Variants in C12orf42 observed in about 807,000 individuals in gnomAD.
The protein encoded by C12orf42 is chromosome 12 open reading frame 42.
C12orf42 carries 25 observed loss-of-function variants against 21.6 expected under a neutral mutation model. The observed-to-expected ratio is 1.16, with a 90% CI of 0.84 to 1.62. C12orf42 has a LOEUF of 1.62. C12orf42 is among the 40% of genes most tolerant of loss of function. C12orf42 has a pLI of 0.00. For missense variants in C12orf42, 483 were observed against 459.3 expected (o/e 1.05, Z -0.47); for synonymous variants, 174 against 175.0 (o/e 0.99, Z 0.05).
At chr12:103,237,175 A>C (rs1057333704), downstream of C12orf42, among the ~76,000 whole-genome samples, 2 of 152,210 alleles carry the variant, frequency 1.3e-5, no homozygotes, top group African/African-American at 4.8e-5. Context: ...GAGGTATAAC[A>C]CAACTGTAGA....
chr12:103,528,517 G>A, the C12orf42 span, among the ~76,000 whole-genome samples: 1 of 152,136 alleles, frequency 6.6e-6, no homozygotes, highest in South Asian at 2.1e-4. Flanking sequence ...TCAGTGTGTG[G>A]TGAGGGAGTT....
the C12orf42 span, chr12:103,505,645 C>G: frequency 4.0e-6 from 1 of 250,216 alleles, no homozygotes; most frequent in East Asian, 1.7e-4. Flanking sequence ...TTAGCACTGC[C>G]CAGGCCCCTG....
At chr12:103,191,016 G>A in the C12orf42 span, among the ~76,000 whole-genome samples, 1 of 152,144 alleles carries the variant, frequency 6.6e-6, no homozygotes, top group African/African-American at 2.4e-5. Context: ...CAGGAGAAAA[G>A]TGAATTTTTA....
intron 4 of C12orf42, among the ~76,000 whole-genome samples, chr12:103,353,993 C>T (rs935205011): frequency 2.6e-5 from 4 of 152,130 alleles, no homozygotes; most frequent in Admixed American, 6.6e-5. Context: ...CAGGCTTCAC[C>T]GCTTTCCGTT....
chr12:103,532,227 AT>A, the C12orf42 span, among the ~76,000 whole-genome samples: 7 of 152,336 alleles, frequency 4.6e-5, no homozygotes, highest in East Asian at 1.3e-3. Flanking sequence ...AAGCTCCATA[AT>A]TTTTCACACC....
upstream of C12orf42, among the ~76,000 whole-genome samples, chr12:103,499,823 T>A (rs7138836): frequency 0.22 from 33,004 of 152,134 alleles, 5,409 homozygotes; most frequent in East Asian, 0.46. Flanking sequence ...ATCTTTGAAC[T>A]TTATCAGACA....
chr12:103,146,210 G>T, the C12orf42 span, among the ~76,000 whole-genome samples: 1 of 152,000 alleles, frequency 6.6e-6, no homozygotes, highest in Non-Finnish European at 1.5e-5. Context: ...GCTGGGCGTG[G>T]TGGCTCATGC....
the C12orf42 span, among the ~76,000 whole-genome samples, chr12:103,180,697 C>T: frequency 3.1e-5 from 4 of 127,034 alleles, no homozygotes; most frequent in South Asian, 2.6e-4. Flanking sequence ...GGCGTGATCT[C>T]GGCTCACCAC....
intron 3 of C12orf42, among the ~76,000 whole-genome samples, chr12:103,380,985 T>C (rs917591018): frequency 2.0e-5 from 3 of 152,348 alleles, no homozygotes; most frequent in African/African-American, 7.2e-5. Context: ...GTTCTATCTC[T>C]CAAATTTCTA....
intron 3 of C12orf42, among the ~76,000 whole-genome samples, chr12:103,383,087 A>C (rs2046320500): frequency 6.6e-6 from 1 of 151,852 alleles, no homozygotes; most frequent in African/African-American, 2.4e-5. Context: ...TATATGTATA[A>C]ATTTGCTCTT....
chr12:103,537,762 A>G, the C12orf42 span, among the ~76,000 whole-genome samples: 9 of 152,342 alleles, frequency 5.9e-5, no homozygotes, highest in Admixed American at 5.9e-4. Context: ...GCTAGAAGCA[A>G]TAGCAGTAAT....
At chr12:103,277,036 C>A in intron 5 of C12orf42, 1 of 421,212 alleles carries the variant, frequency 2.4e-6, no homozygotes, top group Non-Finnish European at 4.7e-6. Flanking sequence ...ACAATAAAAA[C>A]ACAGGAAATT....
chr12:103,141,775 C>T, the C12orf42 span, among the ~76,000 whole-genome samples: 1 of 152,160 alleles, frequency 6.6e-6, no homozygotes, highest in Non-Finnish European at 1.5e-5. Context: ...AATGATCCGC[C>T]TGCTTCAGCC....
At chr12:103,134,803 G>A in the C12orf42 span, among the ~76,000 whole-genome samples, 1 of 152,128 alleles carries the variant, frequency 6.6e-6, no homozygotes, top group African/African-American at 2.4e-5. Context: ...TCTTCTCCAT[G>A]GCAAATGATA....
the C12orf42 span, among the ~76,000 whole-genome samples, chr12:103,127,191 C>G: frequency 6.6e-6 from 1 of 152,130 alleles, no homozygotes; most frequent in African/African-American, 2.4e-5. Context: ...CCAAGAAATG[C>G]CACTTCTGGA....
At chr12:103,209,031 G>C in the C12orf42 span, among the ~76,000 whole-genome samples, 2 of 152,056 alleles carry the variant, frequency 1.3e-5, no homozygotes, top group Non-Finnish European at 2.9e-5. Flanking sequence ...CCTTCACAGT[G>C]CTTCTCCTCA....
intron 3 of C12orf42, among the ~76,000 whole-genome samples, chr12:103,398,222 G>C (rs1288451547): frequency 2.0e-5 from 3 of 152,132 alleles, no homozygotes; most frequent in Non-Finnish European, 2.9e-5. Flanking sequence ...TTATGAGTAT[G>C]AAATCATCTT....
intron 1 of C12orf42, among the ~76,000 whole-genome samples, chr12:103,486,006 T>A (rs912441510): frequency 6.6e-6 from 1 of 152,194 alleles, no homozygotes; most frequent in African/African-American, 2.4e-5. Flanking sequence ...CTTCCAACAC[T>A]ATGTTGAATA....
the C12orf42 span, among the ~76,000 whole-genome samples, chr12:103,168,497 A>C: frequency 1.3e-5 from 2 of 152,206 alleles, no homozygotes; most frequent in African/African-American, 4.8e-5. Context: ...CTTGCTTTAC[A>C]TAGTGAGCTT....
Sources: gnomAD v4.1 joint callset for allele counts (sites outside exome capture counted in the v4.1 genomes callset) on GRCh38, gnomAD v4.1.1 for gene constraint, MANE v1.5 for transcripts, NCBI Gene and HGNC (gene_info 2026-07-23, HGNC 2026-07-21) for gene names.